The following MACROD2 variants were observed in gnomAD, a reference collection of about 807,000 sequenced individuals.
MACROD2 encodes ADP-ribose glycohydrolase MACROD2.
MACROD2 carries 36 observed loss-of-function variants against 70.4 expected under a neutral mutation model. That is an observed-to-expected ratio of 0.51 (90% CI 0.39 to 0.68). The LOEUF is 0.68. Ranked by LOEUF, MACROD2 falls within the 30% of genes least tolerant of loss-of-function variation. The pLI, the probability that MACROD2 is intolerant of heterozygous loss-of-function variation, is 0.00. For missense variants in MACROD2, 496 were observed against 538.4 expected (o/e 0.92, Z 0.78); for synonymous variants, 172 against 178.8 (o/e 0.96, Z 0.30).
intron 6 of MACROD2, among the ~76,000 whole-genome samples, chr20:15,308,927 A>G (rs150957266): frequency 3.3e-5 from 5 of 152,268 alleles, no homozygotes; most frequent in African/African-American, 1.2e-4. Context: ...CAAAGCATGG[A>G]AAGTTTTAAT....
intron 2 of MACROD2, among the ~76,000 whole-genome samples, chr20:14,039,640 T>C (rs544413654): frequency 6.6e-6 from 1 of 152,142 alleles, no homozygotes; most frequent in Non-Finnish European, 1.5e-5. Context: ...TGATAGATAC[T>C]TAGTTTTTTA....
intron 5 of MACROD2, among the ~76,000 whole-genome samples, chr20:15,046,317 G>A (rs932895345): frequency 2.6e-5 from 4 of 152,016 alleles, no homozygotes; most frequent in Admixed American, 1.3e-4. Flanking sequence ...CTCTTACCTC[G>A]TAGTCTCTTT....
At chr20:15,132,222 A>G (rs1311867961) in intron 5 of MACROD2, among the ~76,000 whole-genome samples, 1 of 151,812 alleles carries the variant, frequency 6.6e-6, no homozygotes, top group African/African-American at 2.4e-5. Flanking sequence ...GAAGTAAAAT[A>G]AAAAGTTTTC....
intron 3 of MACROD2, among the ~76,000 whole-genome samples, chr20:14,309,194 A>T (rs914814042): frequency 6.6e-6 from 1 of 152,172 alleles, no homozygotes; most frequent in Non-Finnish European, 1.5e-5. Flanking sequence ...TAAAATGAGG[A>T]TTACCCAAGA....
intron 5 of MACROD2, among the ~76,000 whole-genome samples, chr20:15,097,221 A>G (rs756353914): frequency 1.3e-5 from 2 of 152,150 alleles, no homozygotes; most frequent in Non-Finnish European, 2.9e-5. Context: ...TTATGGAAAA[A>G]CAATATGCAA....
intron 5 of MACROD2, among the ~76,000 whole-genome samples, chr20:15,104,255 T>C (rs549988889): frequency 2.0e-5 from 3 of 151,946 alleles, no homozygotes; most frequent in Non-Finnish European, 4.4e-5. Flanking sequence ...CAGAAAGAAA[T>C]AGTATGATAG....
chr20:15,119,470 T>C (rs2076015356), intron 5 of MACROD2, among the ~76,000 whole-genome samples: 1 of 152,162 alleles, frequency 6.6e-6, no homozygotes, highest in Non-Finnish European at 1.5e-5. Flanking sequence ...ATAGACATAG[T>C]AGTGAGGATG....
chr20:14,193,255 A>G (rs1424499870), intron 3 of MACROD2, among the ~76,000 whole-genome samples: 3 of 152,218 alleles, frequency 2.0e-5, no homozygotes, highest in Non-Finnish European at 2.9e-5. Context: ...TGCCTAATCC[A>G]CAGAGCCAGG....
chr20:15,483,087 T>A (rs1415027731), intron 7 of MACROD2, among the ~76,000 whole-genome samples: 9 of 152,198 alleles, frequency 5.9e-5, no homozygotes, highest in African/African-American at 2.2e-4. Context: ...ATTTAGCTTA[T>A]TTTTTTCATA....
chr20:15,763,912 C>T (rs1247248256), intron 8 of MACROD2, among the ~76,000 whole-genome samples: 1 of 152,140 alleles, frequency 6.6e-6, no homozygotes, highest in Admixed American at 6.5e-5. Context: ...GTGAAACATA[C>T]CCTAATTTTC....
In MACROD2 at chr20:15,383,411, C is replaced by A. The variant is rs145524899; in HGVS notation, c.541-47994C>A. On this transcript the variant is annotated intron_variant, in intron 6 of 17. Coordinates refer to ENST00000684519, the MANE Select transcript of MACROD2 (RefSeq NM_001351661.2). ...TTGAAGTTGCATGACTCAAGTGGGT[C>A]AAAGCTTGCCCAAGTTCCCTGAGTT... Among the ~76,000 whole-genome samples, 934 of 152,250 alleles carry A rather than the reference C, an allele frequency of 6.1e-3. 30 individuals are homozygous for A. The highest frequency in any genetic ancestry group is 0.047 in the Admixed American group (725 of 15,284).
intron 2 of MACROD2, among the ~76,000 whole-genome samples, chr20:14,014,759 G>C (rs1239632386): frequency 6.6e-6 from 1 of 151,774 alleles, no homozygotes; most frequent in African/African-American, 2.4e-5. Context: ...GAATACATCT[G>C]TTCTTTCTTG....
chr20:15,499,300 C>A (rs555009042), intron 7 of MACROD2, among the ~76,000 whole-genome samples: 1 of 152,232 alleles, frequency 6.6e-6, no homozygotes, highest in Admixed American at 6.5e-5. Context: ...TGAATTCTGA[C>A]AATAAGTTTC....
chr20:15,702,779 C>T (rs1035340102), intron 8 of MACROD2, among the ~76,000 whole-genome samples: 1 of 152,092 alleles, frequency 6.6e-6, no homozygotes, highest in Non-Finnish European at 1.5e-5. Flanking sequence ...TTAGAAAAAA[C>T]TATTCTAAAG....
chr20:15,254,742 T>G (rs867233193), intron 6 of MACROD2, among the ~76,000 whole-genome samples: 5 of 152,132 alleles, frequency 3.3e-5, no homozygotes, highest in Admixed American at 2.0e-4. Context: ...CTTTTTTGTT[T>G]GTCTTTTAAC....
rs1305280908 is a variant in MACROD2 at position 15,600,939 on chromosome 20, T to C, written c.645+101092T>C. ...CAGTTCTTACAACTGAATATCCTTC[T>C]GGTAATGAATTCATTCTAAATGTTG... On this transcript the variant is annotated intron_variant, in intron 8 of 17. Transcript: ENST00000684519. 6.6e-5 allele frequency among the ~76,000 whole-genome samples: 10 copies of C among 152,352 alleles called. No homozygotes were observed. In the East Asian group the frequency reaches 1.9e-3, roughly 29 times the overall value.
chr20:14,118,424 T>A (rs557501369), intron 3 of MACROD2, among the ~76,000 whole-genome samples: 89 of 152,338 alleles, frequency 5.8e-4, no homozygotes, highest in African/African-American at 2.0e-3. Context: ...AACCTGAACA[T>A]TGACTTTCTC....
chr20:14,493,947 T>C (rs1388596022), intron 4 of MACROD2: 2 of 152,154 alleles, frequency 1.3e-5, no homozygotes, highest in Non-Finnish European at 2.9e-5. Flanking sequence ...GAGAGCTTAA[T>C]ATATCAGCCA....
chr20:15,571,872 G>T (rs552072004), intron 8 of MACROD2, among the ~76,000 whole-genome samples: 1 of 152,158 alleles, frequency 6.6e-6, no homozygotes, highest in South Asian at 2.1e-4. Context: ...AAGTTTTCTG[G>T]CAAGTTCTGT....
Sources: allele counts gnomAD v4.1 joint callset (sites outside exome capture counted in the v4.1 genomes callset), GRCh38; gene constraint gnomAD v4.1.1; transcripts MANE v1.5; gene names NCBI Gene and HGNC (gene_info 2026-07-23, HGNC 2026-07-21).